Variants in CDKAL1 observed in about 807,000 individuals in gnomAD.
CDKAL1 encodes CDKAL1 threonylcarbamoyladenosine tRNA methylthiotransferase, also known as threonylcarbamoyladenosine tRNA methylthiotransferase.
In CDKAL1, 32 loss-of-function variants were observed where a neutral mutation model predicts 68.2. That is an observed-to-expected ratio of 0.47 (90% confidence interval 0.35 to 0.63). CDKAL1 has a LOEUF of 0.63. CDKAL1 is among the 30% of genes least tolerant of loss of function. The pLI is 0.00. For synonymous variants in CDKAL1, 234 were observed against 244.3 expected, an observed-to-expected ratio of 0.96 and a Z score of 0.39; for missense variants, 606 against 696.7, an observed-to-expected ratio of 0.87 and a Z score of 1.47.
At chr6:20,586,467 A>G (rs1765359230) in intron 4 of CDKAL1, among the ~76,000 whole-genome samples, 1 of 152,096 alleles carries the variant, frequency 6.6e-6, no homozygotes, top group South Asian at 2.1e-4. Context: ...GTGAAACCCC[A>G]TCTCTACTAA....
At chr6:20,660,488 A>G (rs1347974924) in intron 5 of CDKAL1, among the ~76,000 whole-genome samples, 2 of 152,184 alleles carry the variant, frequency 1.3e-5, no homozygotes, top group Non-Finnish European at 2.9e-5. Flanking sequence ...TAACTTCCTA[A>G]TTTCTAACTT....
intron 8 of CDKAL1, among the ~76,000 whole-genome samples, chr6:20,806,268 A>G (rs181474617): frequency 2.1e-4 from 32 of 152,324 alleles, no homozygotes; most frequent in African/African-American, 7.5e-4. Flanking sequence ...TAGTTCGCTT[A>G]GGATAATGTC....
At chr6:20,709,787 T>C (rs1353535041) in intron 5 of CDKAL1, among the ~76,000 whole-genome samples, 10 of 152,154 alleles carry the variant, frequency 6.6e-5, no homozygotes, top group Admixed American at 5.9e-4. Context: ...TCTGTGATTA[T>C]TAGGACAAGG....
At position 20,840,637 on chromosome 6, in the gene CDKAL1, A is replaced by G. The variant is rs150671398; in HGVS notation, c.639-5438A>G. On this transcript the variant is annotated intron_variant, in intron 8 of 15. Coordinates refer to ENST00000274695, the MANE Select transcript of CDKAL1 (RefSeq NM_017774.3). Reference sequence around the variant, plus strand: ...AAAGAAGGTAGGGTTTTGGAAGTATATTCAGCTAATTTTTCAACTATGTCA... The same window carrying G: ...AAAGAAGGTAGGGTTTTGGAAGTATGTTCAGCTAATTTTTCAACTATGTCA... 3.3e-5 allele frequency among the ~76,000 whole-genome samples: 5 copies of G among 152,318 alleles called. No individual in the cohort carries two copies. In the East Asian group the frequency reaches 9.6e-4, roughly 29 times the overall value.
intron 10 of CDKAL1, among the ~76,000 whole-genome samples, chr6:20,977,751 A>T (rs967061627): frequency 6.6e-6 from 1 of 152,114 alleles, no homozygotes; most frequent in Non-Finnish European, 1.5e-5. Flanking sequence ...GGTGATGCAC[A>T]TGTGTAGTCC....
intron 9 of CDKAL1, among the ~76,000 whole-genome samples, chr6:20,855,229 G>A (rs1348882435): frequency 6.6e-6 from 1 of 151,736 alleles, no homozygotes; most frequent in Non-Finnish European, 1.5e-5. Flanking sequence ...GATCACCTGG[G>A]GTCAGGAGTT....
chr6:20,837,592 TTTGCTA>T (rs1344785672), intron 8 of CDKAL1, among the ~76,000 whole-genome samples: 1 of 152,146 alleles, frequency 6.6e-6, no homozygotes, highest in African/African-American at 2.4e-5. Context: ...TAGGTAAGTC[TTTGCTA>T]GAGACCACTT....
At chr6:20,591,710 T>C (rs1401610207) in intron 4 of CDKAL1, among the ~76,000 whole-genome samples, 1 of 152,174 alleles carries the variant, frequency 6.6e-6, no homozygotes, top group Non-Finnish European at 1.5e-5. Flanking sequence ...CTGAGGCCTC[T>C]ATTCTGTTCC....
At chr6:21,000,441 C>G (rs1767367980) in intron 11 of CDKAL1, 69 bp downstream of exon 11, 1 of 1,324,292 alleles carries the variant, frequency 7.6e-7, no homozygotes, top group African/African-American at 1.5e-5. Flanking sequence ...CAAAAATGCA[C>G]TTATTGCAGC....
intron 13 of CDKAL1, among the ~76,000 whole-genome samples, chr6:21,144,776 C>A (rs1776084481): frequency 6.6e-6 from 1 of 152,018 alleles, no homozygotes; most frequent in Non-Finnish European, 1.5e-5. Context: ...GCACTCCAGC[C>A]TGGGTGACAC....
intron 7 of CDKAL1, among the ~76,000 whole-genome samples, chr6:20,776,593 T>C (rs1775181124): frequency 6.6e-6 from 1 of 152,190 alleles, no homozygotes; most frequent in Non-Finnish European, 1.5e-5. Context: ...GTACGAATTA[T>C]GTATTTGAAG....
chr6:21,028,814 G>A (rs774461955), intron 11 of CDKAL1, among the ~76,000 whole-genome samples: 1 of 152,126 alleles, frequency 6.6e-6, no homozygotes, highest in East Asian at 1.9e-4. Context: ...AATGCTGCTC[G>A]ACCTTATAAC....
intron 13 of CDKAL1, among the ~76,000 whole-genome samples, chr6:21,181,969 A>G (rs1323571082): frequency 1.3e-5 from 2 of 152,190 alleles, no homozygotes; most frequent in Non-Finnish European, 2.9e-5. Context: ...AATAAGTAGC[A>G]AAGAGATGGT....
chr6:20,654,056 T>C (rs1044110070), intron 5 of CDKAL1, among the ~76,000 whole-genome samples: 3 of 152,076 alleles, frequency 2.0e-5, no homozygotes, highest in African/African-American at 7.2e-5. Flanking sequence ...CAGTTTTTTG[T>C]ATTTTTAGTA....
At chr6:21,200,869 C>A in intron 14 of CDKAL1, 1 of 325,188 alleles carries the variant, frequency 3.1e-6, no homozygotes, top group Non-Finnish European at 5.7e-6. Flanking sequence ...CATTGAGGGA[C>A]AATGAGGAAA....
chr6:20,762,055 T>G (rs569051675), intron 7 of CDKAL1, among the ~76,000 whole-genome samples: 1 of 152,296 alleles, frequency 6.6e-6, no homozygotes, highest in South Asian at 2.1e-4. Flanking sequence ...CTGCTGAGTT[T>G]TTCTTTGAAT....
At chr6:21,066,808 T>C (rs1363189469) in intron 12 of CDKAL1, among the ~76,000 whole-genome samples, 3 of 152,028 alleles carry the variant, frequency 2.0e-5, no homozygotes, top group Admixed American at 6.6e-5. Context: ...TTAGTTTTCA[T>C]AGAGACAGGG....
At chr6:20,809,604 T>C (rs1776712548) in intron 8 of CDKAL1, among the ~76,000 whole-genome samples, 1 of 152,210 alleles carries the variant, frequency 6.6e-6, no homozygotes, top group African/African-American at 2.4e-5. Context: ...TCTGTTCTCA[T>C]ATGCTTTCCC....
chr6:20,627,820 C>A (rs1039370980), intron 4 of CDKAL1, among the ~76,000 whole-genome samples: 4 of 151,958 alleles, frequency 2.6e-5, no homozygotes, highest in Admixed American at 2.6e-4. Context: ...AGCTATACAC[C>A]TAAGTATTTC....
Sources: gnomAD v4.1 joint callset for allele counts (sites outside exome capture counted in the v4.1 genomes callset) on GRCh38, gnomAD v4.1.1 for gene constraint, MANE v1.5 for transcripts, NCBI Gene and HGNC (gene_info 2026-07-23, HGNC 2026-07-21) for gene names.